Variants in CHD1L observed in about 807,000 individuals in gnomAD.
The protein encoded by CHD1L is ATP-dependent chromatin remodeler CHD1L.
CHD1L carries 118 observed loss-of-function variants against 115.9 expected under a neutral mutation model. That is an observed-to-expected ratio of 1.02 (90% CI 0.88 to 1.19). The LOEUF (loss-of-function observed/expected upper bound fraction) is 1.19, where lower values mean the gene tolerates loss of function less well. Among genes scored for constraint, CHD1L ranks in the 50% most tolerant of loss-of-function variants. The pLI, the probability that CHD1L is intolerant of heterozygous loss-of-function variation, is 0.00. For missense variants in CHD1L, 1,179 were observed against 1,065.3 expected (o/e 1.11, Z -1.49); for synonymous variants, 411 against 387.1 (o/e 1.06, Z -0.72).
chr1:147,251,432 A>G (rs1279390045), intron 1 of CHD1L, among the ~76,000 whole-genome samples: 2 of 152,196 alleles, frequency 1.3e-5, no homozygotes, highest in Non-Finnish European at 2.9e-5. Flanking sequence ...CCCATCAGAA[A>G]CAGAAATCTC....
intron 1 of CHD1L, 33 bp downstream of exon 1, chr1:147,242,863 G>C (rs782406999): frequency 2.4e-6 from 3 of 1,263,140 alleles, no homozygotes; most frequent in Admixed American, 3.9e-5. Flanking sequence ...TCGGCCAGGC[G>C]GGCCAACCTA....
At chr1:147,212,580 T>G in the CHD1L span, 1 of 1,551,278 alleles carries the variant, frequency 6.4e-7, no homozygotes, top group African/African-American at 1.4e-5. Flanking sequence ...GTTTACATGA[T>G]AGATATCATT....
In CHD1L at chr1:147,284,413, AAATCATT is replaced by A; in HGVS notation, c.1769_1775del (p.Lys590MetfsTer5). ...TAAAGAGCCCAGTAAGGAAGACAGA[AAATCATT>A]TGAACAACTGGTAAACCTTCAGAAA... On this transcript the variant is annotated frameshift_variant, in exon 16 of 23. Coordinates refer to ENST00000369258, the MANE Select transcript of CHD1L (RefSeq NM_004284.6). LOFTEE classifies it high-confidence loss of function. 2.5e-6 allele frequency: 4 copies of A among 1,611,626 alleles called. No homozygotes were observed. The highest frequency in any genetic ancestry group is 3.4e-6 in the Non-Finnish European group (4 of 1,178,572).
At chr1:147,272,646 C>T (rs184371733) in intron 12 of CHD1L, among the ~76,000 whole-genome samples, 2 of 152,312 alleles carry the variant, frequency 1.3e-5, no homozygotes, top group Admixed American at 1.3e-4. Context: ...AGTTTGTCTA[C>T]TAGTTGTCCT....
intron 5 of CHD1L, among the ~76,000 whole-genome samples, chr1:147,258,413 G>C (rs587644945): frequency 1.4e-4 from 22 of 152,216 alleles, no homozygotes; most frequent in African/African-American, 5.3e-4. Flanking sequence ...AAGGGAATAG[G>C]ACCTAATCTG....
At chr1:147,253,905 A>G (rs1669213006) in intron 2 of CHD1L, among the ~76,000 whole-genome samples, 1 of 152,230 alleles carries the variant, frequency 6.6e-6, no homozygotes, top group Admixed American at 6.5e-5. Flanking sequence ...AACATTGCAT[A>G]ATATTCCATC....
the CHD1L span, among the ~76,000 whole-genome samples, chr1:147,228,009 C>CTTTTT: frequency 4.0e-5 from 6 of 148,540 alleles, no homozygotes; most frequent in East Asian, 2.0e-4. Flanking sequence ...ATGGAGGCCA[C>CTTTTT]TTTTTTTTTT....
At chr1:147,235,336 C>T in the CHD1L span, among the ~76,000 whole-genome samples, 10 of 152,224 alleles carry the variant, frequency 6.6e-5, no homozygotes, top group Admixed American at 1.3e-4. Flanking sequence ...TTCAGTCCTT[C>T]GTAATACCTT....
intron 12 of CHD1L, 78 bp downstream of exon 12, chr1:147,272,359 T>C: frequency 9.9e-7 from 1 of 1,006,370 alleles, no homozygotes; most frequent in Non-Finnish European, 1.5e-6. Flanking sequence ...GTTAGTACAC[T>C]TTTTTCCTTA....
In CHD1L at chr1:147,291,542, G is replaced by T. The variant is rs1375353471; in HGVS notation, c.2381G>T (p.Gly794Val). The change falls in exon 20 of 23, where the codon GGG (glycine) becomes GTG (valine). Residue 794 changes from glycine to valine, a missense_variant. Gly to Val is a moderately radical substitution (Grantham distance 109). Transcript: ENST00000369258. Reference sequence around the variant, plus strand: ...GATGATAAAGAATCAAGAAACAAAGGGCAAGATTTGGTAAGTAAAACCCAT... The same window carrying T: ...GATGATAAAGAATCAAGAAACAAAGTGCAAGATTTGGTAAGTAAAACCCAT... The part of the protein sequence containing the change: ...PVDDKESRNK[G>V]QDLLALIVAQ... 1.2e-6 allele frequency: 2 copies of T among 1,613,356 alleles called. No individual in the cohort carries two copies. The highest frequency in any genetic ancestry group is 1.7e-6 in the Non-Finnish European group (2 of 1,179,516).
chr1:147,186,789 C>T, the CHD1L span: 12 of 1,495,722 alleles, frequency 8.0e-6, no homozygotes, highest in Non-Finnish European at 1.1e-5. Context: ...TCGAAAGAGA[C>T]ATTAAAGTAG....
chr1:147,232,777 A>C, the CHD1L span, among the ~76,000 whole-genome samples: 7 of 152,206 alleles, frequency 4.6e-5, no homozygotes, highest in Non-Finnish European at 1.0e-4. Context: ...CCGGGATTGC[A>C]GATGGTGTCT....
the CHD1L span, among the ~76,000 whole-genome samples, chr1:147,218,856 T>TA: frequency 6.6e-6 from 1 of 152,222 alleles, no homozygotes; most frequent in African/African-American, 2.4e-5. Context: ...TTACATCAAA[T>TA]GTCACTTCCT....
intron 1 of CHD1L, among the ~76,000 whole-genome samples, chr1:147,245,242 C>A (rs901397786): frequency 6.6e-6 from 1 of 152,144 alleles, no homozygotes; most frequent in East Asian, 1.9e-4. Flanking sequence ...TTGGCTTTAG[C>A]CAGGCACGTG....
chr1:147,209,872 T>C, the CHD1L span: 2 of 152,218 alleles, frequency 1.3e-5, no homozygotes, highest in Non-Finnish European at 2.9e-5. Flanking sequence ...GCCATTGACA[T>C]TGTTGGCATT....
At chr1:147,278,359 G>C (rs1323164946) in intron 14 of CHD1L, among the ~76,000 whole-genome samples, 1 of 150,248 alleles carries the variant, frequency 6.7e-6, no homozygotes, top group Non-Finnish European at 1.5e-5. Context: ...TGAGTAGCTG[G>C]GACTACAGGC....
rs1676903005 is a variant in CHD1L, at chr1:147,273,075, T to C, written c.1270+794T>C. Among the ~76,000 whole-genome samples the C allele has an allele frequency of 2.0e-5, 3 of 152,196 alleles. No homozygotes were observed. In the South Asian group the frequency reaches 6.2e-4, roughly 32 times the overall value. ...AAACTTAGCTGGATGTAGTGGTGCG[T>C]GCCTGTAATCCCAACTACTACGGAG... On this transcript the variant is annotated intron_variant, in intron 12 of 22. Transcript: ENST00000369258.
At chr1:147,265,845 A>G in intron 7 of CHD1L, 87 bp from the exon 8 acceptor site, 1 of 1,271,232 alleles carries the variant, frequency 7.9e-7, no homozygotes, top group Non-Finnish European at 1.1e-6. Context: ...AATAAGAAAC[A>G]AAAATAAATT....
At chr1:147,221,606 T>C in the CHD1L span, among the ~76,000 whole-genome samples, 4 of 152,346 alleles carry the variant, frequency 2.6e-5, no homozygotes, top group East Asian at 3.9e-4. Context: ...ATTTAGAAAG[T>C]CCCTCTGTAA....
Sources: allele counts gnomAD v4.1 joint callset (sites outside exome capture counted in the v4.1 genomes callset), GRCh38; gene constraint gnomAD v4.1.1; transcripts MANE v1.5; gene names NCBI Gene and HGNC (gene_info 2026-07-23, HGNC 2026-07-21).